The following ZC3H14 variants were observed in gnomAD, a reference collection of about 807,000 sequenced individuals.
ZC3H14 encodes zinc finger CCCH domain-containing protein 14.
ZC3H14 carries 31 observed loss-of-function variants against 92.4 expected under a neutral mutation model. That is an observed-to-expected ratio of 0.34 (90% CI 0.25 to 0.45). The LOEUF (loss-of-function observed/expected upper bound fraction) is 0.45, where lower values mean the gene tolerates loss of function less well. Among genes scored for constraint, ZC3H14 ranks in the 20% least tolerant of loss-of-function variants. ZC3H14 has a pLI of 1.00. For synonymous variants in ZC3H14, 321 were observed against 300.9 expected (o/e 1.07, Z -0.69); for missense variants, 781 against 897.3 (o/e 0.87, Z 1.66).
chr14:88,617,254 TCTC>T lies in ZC3H14; in HGVS notation c.*5506_*5508del, dbSNP rs1421351805. On this transcript the variant is annotated 3_prime_UTR_variant, in exon 17 of 17. Transcript: ENST00000251038. The stretch of plus-strand genomic sequence containing the variant: ...CCTCTGCCTCCTGGGTTCAAGCAAT[TCTC>T]CTGCCTCAGCCTCCCGAGTAGCTGG... 6.3e-6 allele frequency: 1 copy of T among 160,000 alleles called. No homozygotes were observed. The highest frequency in any genetic ancestry group is 1.4e-5 in the Non-Finnish European group (1 of 72,768). The allele number at this position is 160,000 out of a possible 1,614,324, so 9.9% of individuals were successfully genotyped here. A position where few individuals can be genotyped will look rare whatever the true frequency, so the allele number is the denominator to read the frequency against.
chr14:88,622,104 C>G lies in ZC3H14; in HGVS notation c.*10353C>G, dbSNP rs928031682. 8.1e-6 allele frequency: 2 copies of G among 245,600 alleles called. No homozygotes were observed. Among genetic ancestry groups the G allele is most frequent in the African/African-American group, 4.5e-5 (2 of 44,360 alleles). The allele number at this position is 245,600 out of a possible 1,614,324, so 15.2% of individuals were successfully genotyped here. On this transcript the variant is annotated 3_prime_UTR_variant, in exon 17 of 17. Transcript: ENST00000251038. ...TCTGTGGGATCAACTTTTTTAGTTT[C>G]TGCACAGGAGTGAGAACATGTATTT...
chr14:88,572,501 C>G, intron 5 of ZC3H14, 77 bp from the exon 6 acceptor site: 1 of 1,563,314 alleles, frequency 6.4e-7, no homozygotes, highest in Non-Finnish European at 8.8e-7. Flanking sequence ...TGAAATTTTT[C>G]AAGTAAACAT....
chr14:88,585,567 A>G (rs1317351214), intron 9 of ZC3H14, among the ~76,000 whole-genome samples: 3 of 151,826 alleles, frequency 2.0e-5, no homozygotes, highest in Non-Finnish European at 4.4e-5. Context: ...AATAGAGACG[A>G]GGTTTCACCA....
intron 9 of ZC3H14, among the ~76,000 whole-genome samples, chr14:88,583,241 C>T (rs1340410128): frequency 6.6e-6 from 1 of 151,738 alleles, no homozygotes; most frequent in African/African-American, 2.4e-5. Flanking sequence ...AAATGATCCT[C>T]CCACCTCAGG....
chr14:88,573,103 G>A, intron 6 of ZC3H14, 96 bp downstream of exon 6: 1 of 1,402,240 alleles, frequency 7.1e-7, no homozygotes, highest in Non-Finnish European at 9.9e-7. Context: ...TTCCAAGGCT[G>A]GGCACAGTGG....
intron 1 of ZC3H14, 180 bp from the exon 2 acceptor site, chr14:88,563,471 C>T (rs1566871405): frequency 2.0e-6 from 3 of 1,465,074 alleles, no homozygotes; most frequent in African/African-American, 1.4e-5. Flanking sequence ...CGCCGCGGGG[C>T]TGGGGCTGGA....
At chr14:88,598,694 C>T in intron 10 of ZC3H14, among the ~76,000 whole-genome samples, 1 of 152,234 alleles carries the variant, frequency 6.6e-6, no homozygotes, top group Non-Finnish European at 1.5e-5. Context: ...ATGCTTCATC[C>T]ATAGGCCTCT....
At chr14:88,565,565 A>G (rs574649543) in intron 2 of ZC3H14, among the ~76,000 whole-genome samples, 1 of 152,222 alleles carries the variant, frequency 6.6e-6, no homozygotes, top group Non-Finnish European at 1.5e-5. Context: ...ATATTACAAA[A>G]TTATGCAGTG....
In ZC3H14 at chr14:88,622,638, G is replaced by T. The variant is rs764417007; in HGVS notation, c.*10887G>T. 3 of 1,610,588 alleles carry T rather than the reference G, an allele frequency of 1.9e-6. No individual in the cohort carries two copies. The African/African-American group carries it at 4.0e-5, about 22-fold the overall frequency. ...GCACACAGAACGAACACAATCTGTG[G>T]CTTGTCCTGTCTCAAGCCTGAAGGC... On this transcript the variant is annotated 3_prime_UTR_variant, in exon 17 of 17. Coordinates refer to ENST00000251038, the MANE Select transcript of ZC3H14 (RefSeq NM_024824.5).
In ZC3H14 at chr14:88,594,587, C is replaced by G. The variant is rs895186473; in HGVS notation, c.1280-2147C>G. 31 of 1,535,380 alleles carry G rather than the reference C, an allele frequency of 2.0e-5. No homozygotes were observed. In the African/African-American group the frequency reaches 4.3e-4, roughly 21 times the overall value. On this transcript the variant is annotated intron_variant, in intron 9 of 16. Coordinates refer to ENST00000251038, the MANE Select transcript of ZC3H14 (RefSeq NM_024824.5). ...ATTACAGGTTTTAAGATGTTATTTG[C>G]TCTTAATACGTCTTAAGGTAACAGC...
At chr14:88,563,483 C>A in intron 1 of ZC3H14, 168 bp from the exon 2 acceptor site, 1 of 1,504,218 alleles carries the variant, frequency 6.6e-7, no homozygotes, top group African/African-American at 1.4e-5. Context: ...GGGGCTGGAG[C>A]TGGAGTGGGG....
chr14:88,566,141 G>T (rs1379748675), intron 2 of ZC3H14, among the ~76,000 whole-genome samples: 1 of 149,504 alleles, frequency 6.7e-6, no homozygotes, highest in Non-Finnish European at 1.5e-5. Context: ...CAGCCTCCCA[G>T]AGTGCTGGGA....
At position 88,602,014 on chromosome 14, in the gene ZC3H14, C is replaced by G; in HGVS notation, c.1445C>G (p.Pro482Arg). The G allele has an allele frequency of 6.2e-7, 1 of 1,614,100 alleles. No homozygotes were observed. The highest frequency in any genetic ancestry group is 8.5e-7 in the Non-Finnish European group (1 of 1,179,998). Reference sequence around the variant, plus strand: ...CTGTCTGAGGAAGTAGTAGTGGCACCAAACCAAGAGTCGGGGATGAAGACT... The same window carrying G: ...CTGTCTGAGGAAGTAGTAGTGGCACGAAACCAAGAGTCGGGGATGAAGACT... ...PKLSEEVVVA[P>R]NQESGMKTAD... The change falls in exon 11 of 17, where the codon CCA (proline) becomes CGA (arginine). Residue 482 changes from proline to arginine, a missense_variant. This residue lies in a region of ZC3H14 where 454 missense variants were observed against 438.5 expected (regional missense o/e 1.04). Transcript: ENST00000251038.
chr14:88,563,110 T>C lies in ZC3H14; in HGVS notation c.-24T>C, dbSNP rs1489469366. ...GGGTAAGCCAAGCGCCGCGCAGTGC[T>C]GAGTTCCCGCACGCCGCAGAGCCAT... On this transcript the variant is annotated 5_prime_UTR_variant, in exon 1 of 17. Coordinates refer to ENST00000251038, the MANE Select transcript of ZC3H14 (RefSeq NM_024824.5). 1 of 1,581,496 alleles carries C rather than the reference T, an allele frequency of 6.3e-7. No homozygotes were observed. The highest frequency in any genetic ancestry group is 8.6e-7 in the Non-Finnish European group (1 of 1,168,950).
chr14:88,601,892 G>A, intron 10 of ZC3H14, 32 bp from the exon 11 acceptor site: 1 of 1,612,928 alleles, frequency 6.2e-7, no homozygotes, highest in South Asian at 1.1e-5. Flanking sequence ...ATATTCAAAA[G>A]TAAACATTTG....
intron 7 of ZC3H14, among the ~76,000 whole-genome samples, 156 bp downstream of exon 7, chr14:88,575,009 T>C (rs547702238): frequency 2.0e-5 from 3 of 152,350 alleles, no homozygotes; most frequent in Non-Finnish European, 4.4e-5. Context: ...CGATCTCGGC[T>C]CACTGCAACC....
intron 12 of ZC3H14, 77 bp downstream of exon 12, chr14:88,603,137 A>G (rs1423651519): frequency 3.5e-6 from 5 of 1,416,596 alleles, no homozygotes; most frequent in Non-Finnish European, 4.9e-6. Flanking sequence ...CCTTGAATGA[A>G]TATTGGTTAA....
At chr14:88,591,601 C>T (rs1169567826) in intron 9 of ZC3H14, 3 of 152,112 alleles carry the variant, frequency 2.0e-5, no homozygotes, top group Admixed American at 2.0e-4. Context: ...GATTCTTAGT[C>T]AAGGGGAGAT....
intron 8 of ZC3H14, 131 bp from the exon 9 acceptor site, chr14:88,577,854 C>G: frequency 1.7e-6 from 2 of 1,169,926 alleles, no homozygotes; most frequent in Non-Finnish European, 1.3e-6. Flanking sequence ...CAGGCATGAG[C>G]CACTGCGCCC....
Sources: gnomAD v4.1 joint callset for allele counts (sites outside exome capture counted in the v4.1 genomes callset) on GRCh38, gnomAD v4.1.1 for gene constraint, gnomAD v4.1.1 regional missense constraint, MANE v1.5 for transcripts, NCBI Gene and HGNC (gene_info 2026-07-23, HGNC 2026-07-21) for gene names.